ERBB4: variants seen among roughly 807,000 people sequenced by gnomAD.
The protein encoded by ERBB4 is erb-b2 receptor tyrosine kinase 4.
A neutral mutation model predicts 158.0 loss-of-function variants in ERBB4; 42 were observed. That is an observed-to-expected ratio of 0.27 (90% CI 0.21 to 0.34). ERBB4 has a LOEUF of 0.34. Ranked by LOEUF, ERBB4 falls within the 10% of genes least tolerant of loss-of-function variation. The pLI is 1.00. For missense variants in ERBB4, 1,333 were observed against 1,624.1 expected (o/e 0.82, Z 3.08); for synonymous variants, 583 against 558.7 (o/e 1.04, Z -0.61).
intron 1 of ERBB4, among the ~76,000 whole-genome samples, chr2:212,172,845 C>A (rs919618864): frequency 1.3e-5 from 2 of 151,910 alleles, no homozygotes; most frequent in African/African-American, 4.8e-5. Flanking sequence ...GGGCTTAATA[C>A]CTGGGTGATG....
intron 1 of ERBB4, among the ~76,000 whole-genome samples, chr2:212,160,726 T>C (rs1559624122): frequency 6.6e-6 from 1 of 152,010 alleles, no homozygotes; most frequent in Non-Finnish European, 1.5e-5. Flanking sequence ...TAACTCTTCA[T>C]GAATTCTGTT....
intron 1 of ERBB4, among the ~76,000 whole-genome samples, chr2:212,271,567 TAGTC>T (rs1351332047): frequency 2.6e-5 from 4 of 151,774 alleles, no homozygotes; most frequent in Non-Finnish European, 5.9e-5. Context: ...AGCAAAATAA[TAGTC>T]AGTGATTGAA....
chr2:211,454,832 C>G (rs563238474), intron 20 of ERBB4, among the ~76,000 whole-genome samples: 1 of 152,338 alleles, frequency 6.6e-6, no homozygotes, highest in East Asian at 1.9e-4. Context: ...CAAACAAAGA[C>G]TGTGGCCAAC....
In ERBB4 at chr2:211,889,781, C is replaced by T. The variant is rs528960497; in HGVS notation, c.421+57649G>A. Reference sequence around the variant, plus strand: ...AATGCAGAAGCCTCAGGAGCCGATGCGATCAACTGGAAGAAAGGGTATCAG... The same window carrying T: ...AATGCAGAAGCCTCAGGAGCCGATGTGATCAACTGGAAGAAAGGGTATCAG... On this transcript the variant is annotated intron_variant, in intron 3 of 27. Transcript: ENST00000342788. Among the ~76,000 whole-genome samples the T allele has an allele frequency of 3.1e-3, 473 of 151,530 alleles. 4 individuals are homozygous for T. Among genetic ancestry groups the T allele is most frequent in the Non-Finnish European group, 4.5e-3 (308 of 67,944 alleles).
At chr2:211,507,963 CACCTTAT>C (rs2065792240) in intron 20 of ERBB4, among the ~76,000 whole-genome samples, 1 of 152,102 alleles carries the variant, frequency 6.6e-6, no homozygotes, top group South Asian at 2.1e-4. Flanking sequence ...CCTTTCCTTA[CACCTTAT>C]ACACAAATTA....
chr2:212,479,473 C>T (rs1455283908), intron 1 of ERBB4, among the ~76,000 whole-genome samples: 1 of 152,152 alleles, frequency 6.6e-6, no homozygotes, highest in Non-Finnish European at 1.5e-5. Flanking sequence ...TTTTTATAAA[C>T]ACAAGAGCAC....
intron 20 of ERBB4, among the ~76,000 whole-genome samples, chr2:211,504,160 C>T (rs775014944): frequency 6.6e-6 from 1 of 152,046 alleles, no homozygotes. Flanking sequence ...ATAAATTGCA[C>T]TACCCAATAT....
chr2:211,839,373 A>AT (rs2077421059), intron 3 of ERBB4, among the ~76,000 whole-genome samples: 1 of 151,892 alleles, frequency 6.6e-6, no homozygotes, highest in Non-Finnish European at 1.5e-5. Flanking sequence ...AATAAAAAAA[A>AT]ATACTTGACC....
rs887360778 is a variant in ERBB4 at position 212,349,937 on chromosome 2, C to T, written c.82+188512G>A. ...GGCAACTCACCATGCTCATCACAGG[C>T]TTCCTGAAGATTTGTCCTTGAAAAA... On this transcript the variant is annotated intron_variant, in intron 1 of 27. Coordinates refer to ENST00000342788, the MANE Select transcript of ERBB4 (RefSeq NM_005235.3). 5.3e-5 allele frequency among the ~76,000 whole-genome samples: 8 copies of T among 151,970 alleles called. No homozygotes were observed. The East Asian group carries it at 7.7e-4, about 15-fold the overall frequency.
rs764361136 is a variant in ERBB4, at chr2:211,546,999, G to GT, written c.2487+14903dup. Among the ~76,000 whole-genome samples, 41 of 152,128 alleles carry GT rather than the reference G, an allele frequency of 2.7e-4. No homozygotes were observed. In the South Asian group the frequency reaches 4.4e-3, roughly 16 times the overall value. On this transcript the variant is annotated intron_variant, in intron 20 of 27. Transcript: ENST00000342788. ...GAAATAGCTCTATATCTTGATTGTGGTGGCTATATGAATCTACACACGTGA... is the reference window on the plus strand; with the variant it reads ...GAAATAGCTCTATATCTTGATTGTGGTTGGCTATATGAATCTACACACGTGA...
At position 211,492,740 on chromosome 2, in the gene ERBB4, G is replaced by A. The variant is rs184114749; in HGVS notation, c.2488-61640C>T. The stretch of plus-strand genomic sequence containing the variant: ...AACTATATCTTGAGTCACAACAACT[G>A]ATATAAGTAATAGCATAGCAATAAT... On this transcript the variant is annotated intron_variant, in intron 20 of 27. Coordinates refer to ENST00000342788, the MANE Select transcript of ERBB4 (RefSeq NM_005235.3). Among the ~76,000 whole-genome samples the A allele has an allele frequency of 1.4e-3, 218 of 152,184 alleles. 1 individual carries two copies. The highest frequency in any genetic ancestry group is 6.8e-3 in the Middle Eastern group (2 of 294).
intron 3 of ERBB4, among the ~76,000 whole-genome samples, chr2:211,881,573 C>A (rs996530937): frequency 7.8e-6 from 1 of 127,746 alleles, no homozygotes; most frequent in African/African-American, 3.2e-5. Flanking sequence ...AGAGAACCTG[C>A]CTGCATAATA....
At chr2:212,275,786 C>T (rs924238793) in intron 1 of ERBB4, among the ~76,000 whole-genome samples, 1 of 151,776 alleles carries the variant, frequency 6.6e-6, no homozygotes, top group East Asian at 1.9e-4. Flanking sequence ...GCAAAATATC[C>T]AACTAGCATC....
intron 3 of ERBB4, among the ~76,000 whole-genome samples, chr2:211,799,534 A>G (rs547341716): frequency 2.0e-5 from 3 of 152,182 alleles, no homozygotes; most frequent in Non-Finnish European, 4.4e-5. Flanking sequence ...TGAGAAATTG[A>G]TATCTGCAGG....
chr2:211,829,685 C>T (rs150570377), intron 3 of ERBB4, among the ~76,000 whole-genome samples: 61 of 152,238 alleles, frequency 4.0e-4, no homozygotes, highest in African/African-American at 1.4e-3. Context: ...AGAATTCACT[C>T]TAGACAAACT....
In ERBB4 at chr2:211,771,770, C is replaced by T. The variant is rs543985539; in HGVS notation, c.556+16255G>A. ...TTTGCTCACAAGAGACTAGGGGCTA[C>T]GATCAGTTCATACCATGCATGAGGT... On this transcript the variant is annotated intron_variant, in intron 4 of 27. Coordinates refer to ENST00000342788, the MANE Select transcript of ERBB4 (RefSeq NM_005235.3). 2.1e-4 allele frequency among the ~76,000 whole-genome samples: 32 copies of T among 152,052 alleles called. No homozygotes were observed. The South Asian group carries it at 3.5e-3, about 17-fold the overall frequency.
chr2:211,718,444 C>T, intron 7 of ERBB4, among the ~76,000 whole-genome samples: 1 of 151,936 alleles, frequency 6.6e-6, no homozygotes, highest in East Asian at 1.9e-4. Context: ...TAATGAAATA[C>T]CTTGGGGATG....
chr2:211,741,139 T>G (rs537770887), intron 5 of ERBB4, among the ~76,000 whole-genome samples: 1 of 152,132 alleles, frequency 6.6e-6, no homozygotes, highest in Admixed American at 6.5e-5. Context: ...GCATGTCACA[T>G]GTAGGTAATT....
At chr2:212,192,140 A>G (rs538323862) in intron 1 of ERBB4, among the ~76,000 whole-genome samples, 12 of 114,020 alleles carry the variant, frequency 1.1e-4, no homozygotes, top group South Asian at 8.8e-4. Context: ...TATGTTATCT[A>G]TATGTTATAT....
Sources: allele counts gnomAD v4.1 joint callset (sites outside exome capture counted in the v4.1 genomes callset), GRCh38; gene constraint gnomAD v4.1.1; transcripts MANE v1.5; gene names NCBI Gene and HGNC (gene_info 2026-07-23, HGNC 2026-07-21).